FRRS1: variants seen among roughly 807,000 people sequenced by gnomAD.
FRRS1 encodes the protein ferric chelate reductase 1.
FRRS1 carries 51 observed loss-of-function variants against 70.7 expected under a neutral mutation model. The observed-to-expected ratio is 0.72, with a 90% CI of 0.58 to 0.91. The LOEUF is 0.91. Ranked by LOEUF, FRRS1 falls within the 40% of genes least tolerant of loss-of-function variation. The probability of loss-of-function intolerance (pLI) is 0.00; values close to 1 mark genes in which losing one functional copy is unlikely to be tolerated. For synonymous variants in FRRS1, 225 were observed against 238.7 expected (o/e 0.94, Z 0.53); for missense variants, 672 against 726.0 (o/e 0.93, Z 0.86).
At chr1:99,732,639 A>C (rs1655449468) in intron 7 of FRRS1, among the ~76,000 whole-genome samples, 1 of 152,172 alleles carries the variant, frequency 6.6e-6, no homozygotes, top group African/African-American at 2.4e-5. Flanking sequence ...AATGATATAG[A>C]AATATGAAAA....
intron 1 of FRRS1, among the ~76,000 whole-genome samples, chr1:99,754,660 G>A (rs988388410): frequency 5.3e-5 from 8 of 152,112 alleles, no homozygotes; most frequent in Non-Finnish European, 1.0e-4. Context: ...AAGCTCACAT[G>A]GAATGTTCAC....
rs768677469 is a variant in FRRS1 at position 99,738,130 on chromosome 1, T to C, written c.715A>G (p.Ser239Gly). 1.6e-5 allele frequency: 26 copies of C among 1,613,620 alleles called. No individual in the cohort carries two copies. The highest frequency in any genetic ancestry group is 2.2e-5 in the Non-Finnish European group (26 of 1,179,684). ...AATGCAAAGGATAAATAGCCTTTAC[T>C]GGGGCCGCTCATTTCAACCATCACC... ...QSVMVEMSGP[S>G]KGYLSFALSH... Residue 239 changes from serine to glycine, a missense_variant, in exon 7 of 17, where the codon AGT becomes GGT. Coordinates refer to ENST00000646001, the MANE Select transcript of FRRS1 (RefSeq NM_001361041.2).
At chr1:99,724,366 T>C (rs1468288545) in intron 9 of FRRS1, among the ~76,000 whole-genome samples, 1 of 152,244 alleles carries the variant, frequency 6.6e-6, no homozygotes, top group African/African-American at 2.4e-5. Flanking sequence ...TGTGAATTAC[T>C]TAATTACCCA....
intron 1 of FRRS1, among the ~76,000 whole-genome samples, chr1:99,759,977 AAC>A: frequency 6.6e-6 from 1 of 152,258 alleles, no homozygotes; most frequent in Non-Finnish European, 1.5e-5. Flanking sequence ...AGCAAGGATC[AAC>A]ATTTCACAGG....
At chr1:99,747,517 G>T (rs1656339965) in intron 3 of FRRS1, 87 bp from the exon 4 acceptor site, 3 of 1,206,784 alleles carry the variant, frequency 2.5e-6, no homozygotes, top group African/African-American at 1.5e-5. Flanking sequence ...TTACAATGAG[G>T]TCTACATATG....
At chr1:99,712,049 T>G in intron 14 of FRRS1, 56 bp downstream of exon 14, 2 of 1,218,602 alleles carry the variant, frequency 1.6e-6, no homozygotes, top group Middle Eastern at 1.9e-4. Flanking sequence ...AAATTACAAC[T>G]TGTAATATAA....
intron 15 of FRRS1, among the ~76,000 whole-genome samples, chr1:99,710,528 C>A (rs12117907): frequency 0.13 from 20,068 of 152,190 alleles, 2,840 homozygotes; most frequent in African/African-American, 0.36. Context: ...CCAGTCCATA[C>A]TGGCTCTAAG....
intron 3 of FRRS1, 50 bp from the exon 4 acceptor site, chr1:99,747,480 A>C: frequency 6.4e-7 from 1 of 1,563,648 alleles, no homozygotes; most frequent in South Asian, 1.2e-5. Context: ...ATATCAAAAA[A>C]AAATGTTTAG....
chr1:99,762,105 T>C (rs1657136458), intron 1 of FRRS1, among the ~76,000 whole-genome samples: 1 of 152,122 alleles, frequency 6.6e-6, no homozygotes, highest in Non-Finnish European at 1.5e-5. Flanking sequence ...TAGCTTCAAA[T>C]CAGACCCTTA....
In FRRS1 at chr1:99,708,625, A is replaced by AATATATATATATATAT. The variant is rs1232091644; in HGVS notation, c.*387_*402dup. 3.8e-5 allele frequency: 2 copies of AATATATATATATATAT among 52,734 alleles called. No homozygotes were observed. Among genetic ancestry groups the AATATATATATATATAT allele is most frequent in the African/African-American group, 8.6e-5 (1 of 11,676 alleles). 3.3% of individuals were successfully genotyped at this position (52,734 alleles called of 1,614,324 possible). ...AAAAAAAAAAAAAAAAAAAAAAAAA[A>AATATATATATATATAT]ATATATATATATATATATATATATA... On this transcript the variant is annotated 3_prime_UTR_variant, in exon 17 of 17. Transcript: ENST00000646001.
At chr1:99,750,410 C>A (rs553529433) in intron 1 of FRRS1, among the ~76,000 whole-genome samples, 147 of 152,242 alleles carry the variant, frequency 9.7e-4, no homozygotes, top group Non-Finnish European at 1.9e-3. Flanking sequence ...GCCTCAGAAC[C>A]AGACTTAGGT....
chr1:99,764,839 A>G (rs1200210405), intron 1 of FRRS1, among the ~76,000 whole-genome samples: 2 of 152,248 alleles, frequency 1.3e-5, no homozygotes, highest in Non-Finnish European at 2.9e-5. Context: ...AAAGTCTCCC[A>G]TATAAAACTG....
intron 7 of FRRS1, among the ~76,000 whole-genome samples, chr1:99,730,140 C>G (rs1655280515): frequency 6.6e-6 from 1 of 152,026 alleles, no homozygotes; most frequent in African/African-American, 2.4e-5. Flanking sequence ...TTTCAATTAA[C>G]TTACCATAAA....
rs769361379 is a variant in FRRS1 at position 99,712,427 on chromosome 1, T to C, written c.1412A>G (p.His471Arg). 6.2e-7 allele frequency: 1 copy of C among 1,607,426 alleles called. No individual in the cohort carries two copies. The highest frequency in any genetic ancestry group is 1.3e-5 in the African/African-American group (1 of 74,842). Residue 471 changes from histidine (H) to arginine (R), a missense_variant, in exon 13 of 17, where the codon CAT becomes CGT. His to Arg is a conservative substitution (Grantham distance 29). Coordinates refer to ENST00000646001, the MANE Select transcript of FRRS1 (RefSeq NM_001361041.2). ...GAAAGGCTCTAAGTACCTTGGGTCA[T>C]GTAAAGGTGGCCTGAAGACTGCCAG... ...PLLAVFRPPL[H>R]DPRRQMFNWT...
At chr1:99,719,468 C>T (rs1234192802) in intron 10 of FRRS1, 66 bp downstream of exon 10, 5 of 828,552 alleles carry the variant, frequency 6.0e-6, no homozygotes, top group Non-Finnish European at 8.2e-6. Flanking sequence ...ACAGCCATTC[C>T]TAATCCAGCC....
intron 1 of FRRS1, among the ~76,000 whole-genome samples, chr1:99,753,379 AT>A (rs1656670423): frequency 1.3e-5 from 2 of 151,738 alleles, no homozygotes; most frequent in Admixed American, 6.6e-5. Context: ...AATTTTATAA[AT>A]TTTTTTATAA....
rs1488380132 is a variant in FRRS1 at position 99,707,662 on chromosome 1, A to G, written c.*1366T>C. Among the ~76,000 whole-genome samples the G allele has an allele frequency of 6.6e-6, 1 of 152,230 alleles. No homozygotes were observed. The highest frequency in any genetic ancestry group is 1.5e-5 in the Non-Finnish European group (1 of 68,036). On this transcript the variant is annotated 3_prime_UTR_variant, in exon 17 of 17. Transcript: ENST00000646001. ...GAATTTAAGGGAAATGCCATCCGGTAATGTTACCTAAATACTAGAAAGGAA... is the reference window on the plus strand; with the variant it reads ...GAATTTAAGGGAAATGCCATCCGGTGATGTTACCTAAATACTAGAAAGGAA...
chr1:99,727,263 A>C (rs1571114294), intron 9 of FRRS1, among the ~76,000 whole-genome samples: 1 of 152,226 alleles, frequency 6.6e-6, no homozygotes, highest in East Asian at 1.9e-4. Flanking sequence ...TTATCAAGCC[A>C]TATTAAGAAA....
chr1:99,765,705 T>C (rs1657322649), intron 1 of FRRS1: 2 of 150,288 alleles, frequency 1.3e-5, no homozygotes, highest in Non-Finnish European at 2.9e-5. Flanking sequence ...ATAGAGACCA[T>C]CCTTGCCAAC....
Sources: gnomAD v4.1 joint callset for allele counts (sites outside exome capture counted in the v4.1 genomes callset) on GRCh38, gnomAD v4.1.1 for gene constraint, MANE v1.5 for transcripts, NCBI Gene and HGNC (gene_info 2026-07-23, HGNC 2026-07-21) for gene names.